Variants in SLC24A2 observed in about 807,000 individuals in gnomAD.
SLC24A2 encodes the protein sodium/potassium/calcium exchanger 2.
In SLC24A2, 36 loss-of-function variants were observed where a neutral mutation model predicts 62.0. The ratio of observed to expected loss-of-function variants is 0.58; its 90% CI spans 0.44 to 0.77. The LOEUF (loss-of-function observed/expected upper bound fraction) is 0.77, where lower values mean the gene tolerates loss of function less well. Ranked by LOEUF, SLC24A2 falls within the 30% of genes least tolerant of loss-of-function variation. SLC24A2 has a pLI of 0.00. For synonymous variants in SLC24A2, 358 were observed against 294.0 expected, an observed-to-expected ratio of 1.22 and a Z score of -2.23; for missense variants, 846 against 817.9, an observed-to-expected ratio of 1.03 and a Z score of -0.42.
the SLC24A2 span, among the ~76,000 whole-genome samples, chr9:20,082,597 C>G: frequency 6.6e-6 from 1 of 152,232 alleles, no homozygotes; most frequent in African/African-American, 2.4e-5. Context: ...CACCAGCTGG[C>G]TGCCTGTCAG....
intron 5 of SLC24A2, among the ~76,000 whole-genome samples, chr9:19,588,213 T>G (rs930212670): frequency 1.3e-5 from 2 of 150,502 alleles, no homozygotes; most frequent in Non-Finnish European, 2.9e-5. Flanking sequence ...GGCCCAGCCT[T>G]ACAGAGAACA....
At chr9:20,292,291 C>T in the SLC24A2 span, among the ~76,000 whole-genome samples, 1 of 152,108 alleles carries the variant, frequency 6.6e-6, no homozygotes, top group Non-Finnish European at 1.5e-5. Flanking sequence ...CAGAATCAAT[C>T]ACTTTCATGG....
Position 19,508,360 on chromosome 9 carries a change from G to T in SLC24A2, c.*7793C>A, listed in dbSNP as rs185234340. The T allele has an allele frequency of 1.3e-5, 2 of 152,216 alleles. No homozygotes were observed. Among genetic ancestry groups the T allele is most frequent in the East Asian group, 3.9e-4 (2 of 5,186 alleles). The allele number at this position is 152,216 out of a possible 1,614,324, so 9.4% of individuals were successfully genotyped here. A position where few individuals can be genotyped will look rare whatever the true frequency, so the allele number is the denominator to read the frequency against. On this transcript the variant is annotated 3_prime_UTR_variant, in exon 11 of 11. Transcript: ENST00000341998. Reference sequence around the variant, plus strand: ...TTGGTTCAGATACCCTTTCTTTAGGGCAATTTGGCCACTTAAGCATAAAAT... The same window carrying T: ...TTGGTTCAGATACCCTTTCTTTAGGTCAATTTGGCCACTTAAGCATAAAAT...
chr9:19,890,662 A>G, the SLC24A2 span, among the ~76,000 whole-genome samples: 63,248 of 151,850 alleles, frequency 0.42, 13,738 homozygotes, highest in East Asian at 0.82. Flanking sequence ...TCATTCCATC[A>G]CATAGCTTTT....
the SLC24A2 span, among the ~76,000 whole-genome samples, chr9:19,881,985 T>A: frequency 2.2e-3 from 329 of 152,342 alleles, 4 homozygotes; most frequent in African/African-American, 7.0e-3. Flanking sequence ...ATTCAACCTA[T>A]GCCTATTCCA....
chr9:19,815,398 C>T, the SLC24A2 span, among the ~76,000 whole-genome samples: 1 of 152,114 alleles, frequency 6.6e-6, no homozygotes, highest in Admixed American at 6.6e-5. Flanking sequence ...ATTTTGTGTT[C>T]ATTGGATGGG....
At chr9:19,848,621 T>C in the SLC24A2 span, among the ~76,000 whole-genome samples, 1 of 152,184 alleles carries the variant, frequency 6.6e-6, no homozygotes, top group Non-Finnish European at 1.5e-5. Context: ...ATTATAGAAA[T>C]GTAATTATAT....
intron 7 of SLC24A2, among the ~76,000 whole-genome samples, chr9:19,566,850 T>C (rs866973854): frequency 6.6e-6 from 1 of 151,348 alleles, no homozygotes; most frequent in African/African-American, 2.4e-5. Context: ...CTCAGCAAAC[T>C]ATCGCAAGAA....
chr9:19,560,918 G>T (rs10964206), intron 7 of SLC24A2, among the ~76,000 whole-genome samples: 3,298 of 79,160 alleles, frequency 0.042, 53 homozygotes, highest in Non-Finnish European at 0.051. Context: ...TATATATATA[G>T]AGAGAGAGAG....
At chr9:19,568,499 A>T (rs10964214) in intron 7 of SLC24A2, among the ~76,000 whole-genome samples, 27,116 of 152,252 alleles carry the variant, frequency 0.18, 3,590 homozygotes, top group African/African-American at 0.38. Context: ...CATACACCTA[A>T]GCAGTGCTTA....
At chr9:19,834,901 A>G in the SLC24A2 span, among the ~76,000 whole-genome samples, 1 of 152,236 alleles carries the variant, frequency 6.6e-6, no homozygotes, top group East Asian at 1.9e-4. Flanking sequence ...ACAAGCCAGA[A>G]GAGAGTGGAG....
chr9:19,541,852 A>C (rs1191365821), intron 8 of SLC24A2, among the ~76,000 whole-genome samples: 1 of 151,658 alleles, frequency 6.6e-6, no homozygotes, highest in African/African-American at 2.4e-5. Context: ...GCTAGCAATC[A>C]GCGAGATTCC....
chr9:20,137,488 G>T, the SLC24A2 span, among the ~76,000 whole-genome samples: 1 of 152,148 alleles, frequency 6.6e-6, no homozygotes, highest in Non-Finnish European at 1.5e-5. Flanking sequence ...TATAGTTTTT[G>T]TCCAAAATGT....
the SLC24A2 span, among the ~76,000 whole-genome samples, chr9:20,265,421 T>C: frequency 6.6e-6 from 1 of 152,188 alleles, no homozygotes; most frequent in Non-Finnish European, 1.5e-5. Flanking sequence ...GATCCCCAAA[T>C]TAATACTTTT....
At chr9:20,118,202 C>T in the SLC24A2 span, among the ~76,000 whole-genome samples, 1 of 151,990 alleles carries the variant, frequency 6.6e-6, no homozygotes, top group African/African-American at 2.4e-5. Context: ...AAGAAACTTC[C>T]TCTTTAATTA....
intron 5 of SLC24A2, among the ~76,000 whole-genome samples, chr9:19,583,977 CCT>C (rs1330007629): frequency 6.6e-6 from 1 of 152,110 alleles, no homozygotes; most frequent in East Asian, 1.9e-4. Context: ...TGCACACACC[CCT>C]CTTTTCGAAG....
At chr9:19,841,987 T>A in the SLC24A2 span, among the ~76,000 whole-genome samples, 4 of 152,208 alleles carry the variant, frequency 2.6e-5, no homozygotes, top group Non-Finnish European at 5.9e-5. Context: ...CTGTTGAGTA[T>A]CCAATCTGCC....
chr9:19,674,678 ATTTCTCTAAGTGTGTCCTTCCT>A (rs2118344611), intron 2 of SLC24A2, among the ~76,000 whole-genome samples: 1 of 152,276 alleles, frequency 6.6e-6, no homozygotes, highest in South Asian at 2.1e-4. Flanking sequence ...TGCATTTTGC[ATTTCTCTAAGTGTGTCCTTCCT>A]TTCCAGAAGT....
chr9:20,215,369 C>T, the SLC24A2 span, among the ~76,000 whole-genome samples: 2 of 152,062 alleles, frequency 1.3e-5, no homozygotes, highest in African/African-American at 2.4e-5. Flanking sequence ...TAAGAAACCT[C>T]ATATTATCGA....
Sources: gnomAD v4.1 joint callset for allele counts (sites outside exome capture counted in the v4.1 genomes callset) on GRCh38, gnomAD v4.1.1 for gene constraint, MANE v1.5 for transcripts, NCBI Gene and HGNC (gene_info 2026-07-23, HGNC 2026-07-21) for gene names.